ZRANB3: variants seen among roughly 807,000 people sequenced by gnomAD.
ZRANB3 encodes the protein DNA annealing helicase and endonuclease ZRANB3.
A neutral mutation model predicts 133.8 loss-of-function variants in ZRANB3; 125 were observed. The ratio of observed to expected loss-of-function variants is 0.93; its 90% CI spans 0.81 to 1.08. The LOEUF (loss-of-function observed/expected upper bound fraction) is 1.08. Ranked by LOEUF, ZRANB3 falls within the 50% of genes least tolerant of loss-of-function variation. The probability of loss-of-function intolerance (pLI) is 0.00; values close to 1 mark genes in which losing one functional copy is unlikely to be tolerated. For synonymous variants in ZRANB3, 387 were observed against 432.7 expected, an observed-to-expected ratio of 0.89 and a Z score of 1.31; for missense variants, 1,229 against 1,275.5, an observed-to-expected ratio of 0.96 and a Z score of 0.56.
At chr2:135,301,818 T>A (rs1239827592) in intron 8 of ZRANB3, among the ~76,000 whole-genome samples, 1 of 152,186 alleles carries the variant, frequency 6.6e-6, no homozygotes, top group Non-Finnish European at 1.5e-5. Flanking sequence ...TACACACTAT[T>A]GTAGCTGAAT....
intron 3 of ZRANB3, among the ~76,000 whole-genome samples, chr2:135,383,516 T>G (rs1686821415): frequency 6.6e-6 from 1 of 151,978 alleles, no homozygotes; most frequent in African/African-American, 2.4e-5. Flanking sequence ...TCTACAGAAC[T>G]CTCCACCCCA....
intron 2 of ZRANB3, among the ~76,000 whole-genome samples, chr2:135,453,463 GCT>G (rs1238334245): frequency 6.6e-6 from 1 of 152,216 alleles, no homozygotes; most frequent in Non-Finnish European, 1.5e-5. Context: ...AAACTTTTAT[GCT>G]CTGTTTCCCT....
chr2:135,318,062 C>A (rs1683343007), intron 6 of ZRANB3, among the ~76,000 whole-genome samples: 1 of 152,086 alleles, frequency 6.6e-6, no homozygotes, highest in Non-Finnish European at 1.5e-5. Context: ...CCCAACATCT[C>A]ATGGATGGTA....
chr2:135,303,438 T>C (rs1682540425), intron 8 of ZRANB3, among the ~76,000 whole-genome samples: 1 of 152,144 alleles, frequency 6.6e-6, no homozygotes, highest in Non-Finnish European at 1.5e-5. Context: ...TCCTTATGGA[T>C]ATCCAATTGT....
At chr2:135,274,798 G>A (rs890896021) in intron 9 of ZRANB3, among the ~76,000 whole-genome samples, 2 of 151,998 alleles carry the variant, frequency 1.3e-5, no homozygotes, top group Admixed American at 6.5e-5. Flanking sequence ...GTGTCCCTGG[G>A]TACTTGAGAT....
chr2:135,268,832 C>T (rs1680371132), intron 11 of ZRANB3, 130 bp downstream of exon 11: 1 of 863,864 alleles, frequency 1.2e-6, no homozygotes. Flanking sequence ...AACTTGGTCT[C>T]TATTATCATC....
rs925721557 is a variant in ZRANB3 at position 135,483,912 on chromosome 2, T to G, written c.161+20417A>C. On this transcript the variant is annotated intron_variant, in intron 2 of 20. Transcript: ENST00000264159. ...AGCAGGTTGTTCAGTTTCCATGTAG[T>G]TGAGCGGTTTTGAGTGAGATTCTTA... 3.9e-5 allele frequency among the ~76,000 whole-genome samples: 6 copies of G among 152,212 alleles called. No homozygotes were observed. The East Asian group carries it at 9.6e-4, about 24-fold the overall frequency.
intron 1 of ZRANB3, among the ~76,000 whole-genome samples, chr2:135,521,598 T>C (rs1209669026): frequency 6.6e-6 from 1 of 152,096 alleles, no homozygotes; most frequent in African/African-American, 2.4e-5. Context: ...GGGTAAACAA[T>C]GATGAATTTG....
chr2:135,389,629 CG>C (rs994809207), intron 3 of ZRANB3, among the ~76,000 whole-genome samples: 8 of 151,778 alleles, frequency 5.3e-5, no homozygotes, highest in African/African-American at 1.9e-4. Flanking sequence ...TGCTTGAATC[CG>C]GGAGGCAGAG....
At chr2:135,495,959 T>C (rs191823623) in intron 2 of ZRANB3, among the ~76,000 whole-genome samples, 31 of 152,338 alleles carry the variant, frequency 2.0e-4, no homozygotes, top group Admixed American at 1.5e-3. Context: ...AAATTCATAA[T>C]AGTAAGCCTA....
intron 6 of ZRANB3, among the ~76,000 whole-genome samples, chr2:135,328,242 T>C (rs935994580): frequency 1.7e-3 from 161 of 93,188 alleles, no homozygotes; most frequent in African/African-American, 6.1e-3. Context: ...CAGGCCCCCA[T>C]GTGTGATGTT....
At chr2:135,395,378 T>C (rs1042587070) in intron 2 of ZRANB3, among the ~76,000 whole-genome samples, 1 of 149,174 alleles carries the variant, frequency 6.7e-6, no homozygotes, top group African/African-American at 2.5e-5. Flanking sequence ...AGACCTCAAA[T>C]CATGAAACTA....
chr2:135,494,498 T>A (rs1045988858), intron 2 of ZRANB3, among the ~76,000 whole-genome samples: 1 of 152,096 alleles, frequency 6.6e-6, no homozygotes, highest in Admixed American at 6.5e-5. Flanking sequence ...CATCTATGTA[T>A]GCTAAATCCA....
intron 2 of ZRANB3, among the ~76,000 whole-genome samples, chr2:135,446,645 A>G (rs1690034600): frequency 6.6e-6 from 1 of 152,336 alleles, no homozygotes; most frequent in South Asian, 2.1e-4. Context: ...ACAGAAAATA[A>G]GAAGGAGCAA....
intron 2 of ZRANB3, among the ~76,000 whole-genome samples, chr2:135,502,741 C>A (rs1026778713): frequency 2.0e-5 from 3 of 152,086 alleles, no homozygotes; most frequent in African/African-American, 7.2e-5. Flanking sequence ...ATCTGAGGAC[C>A]GTTAACACTG....
intron 2 of ZRANB3, among the ~76,000 whole-genome samples, chr2:135,500,518 A>G (rs1380342100): frequency 6.6e-6 from 1 of 152,154 alleles, no homozygotes; most frequent in East Asian, 1.9e-4. Context: ...GATACAAAAG[A>G]ATATACAATT....
chr2:135,461,385 C>T (rs966248076), intron 2 of ZRANB3, among the ~76,000 whole-genome samples: 7 of 152,104 alleles, frequency 4.6e-5, no homozygotes, highest in South Asian at 4.1e-4. Flanking sequence ...GCCTGATCAA[C>T]GTGGAGAAAC....
intron 2 of ZRANB3, among the ~76,000 whole-genome samples, chr2:135,499,751 G>A (rs1273106556): frequency 2.0e-5 from 3 of 152,284 alleles, no homozygotes; most frequent in South Asian, 2.1e-4. Context: ...AAACACTGTT[G>A]ATACAAGTAA....
chr2:135,410,315 G>C (rs1688247724), intron 2 of ZRANB3, among the ~76,000 whole-genome samples: 1 of 151,986 alleles, frequency 6.6e-6, no homozygotes, highest in African/African-American at 2.4e-5. Flanking sequence ...AGGATAGAGA[G>C]CCCTGAAATA....
Sources: gnomAD v4.1 joint callset for allele counts (sites outside exome capture counted in the v4.1 genomes callset) on GRCh38, gnomAD v4.1.1 for gene constraint, MANE v1.5 for transcripts, NCBI Gene and HGNC (gene_info 2026-07-23, HGNC 2026-07-21) for gene names.